The following CEP78 variants were observed in gnomAD, a reference collection of about 807,000 sequenced individuals.
The protein encoded by CEP78 is centrosomal protein of 78 kDa.
Under a neutral mutation model 81.2 loss-of-function variants are expected in CEP78, and 76 were observed. The observed-to-expected ratio is 0.94, with a 90% CI of 0.78 to 1.13. The LOEUF (loss-of-function observed/expected upper bound fraction) is 1.13. Ranked by LOEUF, CEP78 falls within the 50% of genes most tolerant of loss-of-function variation. The probability of loss-of-function intolerance (pLI) is 0.00; values close to 1 mark genes in which losing one functional copy is unlikely to be tolerated. For synonymous variants in CEP78, 293 were observed against 301.4 expected (o/e 0.97, Z 0.29); for missense variants, 918 against 846.8 (o/e 1.08, Z -1.04).
intron 12 of CEP78, 92 bp from the exon 13 acceptor site, chr9:78,264,058 C>A: frequency 1.1e-6 from 1 of 932,106 alleles, no homozygotes; most frequent in Non-Finnish European, 1.5e-6. Flanking sequence ...AAATTAATTA[C>A]ATTTTTAAAA....
intron 11 of CEP78, among the ~76,000 whole-genome samples, chr9:78,259,443 G>A (rs554450601): frequency 3.3e-5 from 5 of 152,170 alleles, no homozygotes; most frequent in Non-Finnish European, 5.9e-5. Context: ...TTCCCTGATA[G>A]TGTGTTTTAT....
At chr9:78,255,378 T>TA (rs1286817438) in intron 11 of CEP78, among the ~76,000 whole-genome samples, 2 of 152,292 alleles carry the variant, frequency 1.3e-5, no homozygotes, top group African/African-American at 4.8e-5. Flanking sequence ...TTTTCTTTTA[T>TA]ATGAAACTTA....
chr9:78,264,086 A>C, intron 12 of CEP78, 64 bp from the exon 13 acceptor site: 1 of 1,174,618 alleles, frequency 8.5e-7, no homozygotes, highest in East Asian at 2.9e-5. Flanking sequence ...TTTTAGTTTC[A>C]TAAAAACTAT....
chr9:78,242,126 C>T (rs899455257), intron 4 of CEP78, among the ~76,000 whole-genome samples: 18 of 152,108 alleles, frequency 1.2e-4, no homozygotes, highest in African/African-American at 3.4e-4. Flanking sequence ...AATAATGTGA[C>T]ATGAAGCCTT....
At chr9:78,239,692 G>A (rs11137568) in intron 1 of CEP78, among the ~76,000 whole-genome samples, 48,337 of 151,924 alleles carry the variant, frequency 0.32, 8,431 homozygotes, top group Middle Eastern at 0.42. Context: ...GTTTTCCAGT[G>A]CCCGGCAGGT....
Position 78,248,800 on chromosome 9 carries a change from CA to C in CEP78, c.1000del (p.Thr334LeufsTer9). On this transcript the variant is annotated frameshift_variant, in exon 8 of 17. Transcript: ENST00000643273. LOFTEE classifies it high-confidence loss of function. ...ITSPSVKEPS[K>X]TAKQKRRTII... ...CTTCTCCATCAGTGAAGGAACCATC[CA>C]AAACTGCTAAACAGAAAAGGAGAAC... The C allele has an allele frequency of 6.3e-7, 1 of 1,597,522 alleles. No homozygotes were observed. The highest frequency in any genetic ancestry group is 8.5e-7 in the Non-Finnish European group (1 of 1,172,270).
chr9:78,237,628 C>CG (rs1724189146), intron 1 of CEP78, among the ~76,000 whole-genome samples: 1 of 152,092 alleles, frequency 6.6e-6, no homozygotes, highest in Admixed American at 6.5e-5. Context: ...GGGGGCCAAA[C>CG]AGGGAGGGTC....
chr9:78,264,406 A>C, intron 13 of CEP78, 90 bp downstream of exon 13: 2 of 1,013,822 alleles, frequency 2.0e-6, no homozygotes, highest in Non-Finnish European at 3.0e-6. Context: ...AGCTTTCTGA[A>C]GTCATATTTA....
intron 1 of CEP78, 141 bp downstream of exon 1, chr9:78,236,744 G>A (rs1825962844): frequency 2.7e-6 from 3 of 1,106,874 alleles, no homozygotes; most frequent in Admixed American, 3.4e-5. Context: ...GTGGCTTAAG[G>A]TCTCTAGGGC....
chr9:78,275,272 A>G lies in CEP78; in HGVS notation c.*4421A>G, dbSNP rs1449529699. ...AAAATAGAAAATGTAAATAAACGAA[A>G]CATCTTAGGAGAAATTGAAAAAATA... On this transcript the variant is annotated 3_prime_UTR_variant, in exon 17 of 17. Coordinates refer to ENST00000643273, the MANE Select transcript of CEP78 (RefSeq NM_001330691.3). 2 of 152,180 alleles carry G rather than the reference A, an allele frequency of 1.3e-5. No individual in the cohort carries two copies. Among genetic ancestry groups the G allele is most frequent in the Non-Finnish European group, 2.9e-5 (2 of 68,022 alleles). 9.4% of individuals were successfully genotyped at this position (152,180 alleles called of 1,614,324 possible).
At position 78,236,129 on chromosome 9, in the gene CEP78, C is replaced by T; in HGVS notation, c.-222C>T. ...TGAGGCGGGCGCCAACTGCTTGGGC[C>T]GCAGGGCGGGAGGCAGCGCGGGAGT... is the stretch of plus-strand genomic sequence containing the variant. On this transcript the variant is annotated 5_prime_UTR_variant, in exon 1 of 17. Transcript: ENST00000643273. The T allele has an allele frequency of 3.7e-6, 2 of 543,682 alleles. No homozygotes were observed. Among genetic ancestry groups the T allele is most frequent in the Non-Finnish European group, 6.4e-6 (2 of 311,202 alleles). The allele number at this position is 543,682 out of a possible 1,614,324, so 33.7% of individuals were successfully genotyped here.
intron 16 of CEP78, 45 bp downstream of exon 16, chr9:78,266,748 G>C: frequency 1.2e-6 from 2 of 1,605,956 alleles, no homozygotes; most frequent in Non-Finnish European, 1.7e-6. Flanking sequence ...CCCTGGAAAG[G>C]ACCTGCATTC....
Position 78,278,180 on chromosome 9 carries a change from G to A in CEP78, c.*7329G>A, listed in dbSNP as rs1827842484. On this transcript the variant is annotated 3_prime_UTR_variant, in exon 17 of 17. Coordinates refer to ENST00000643273, the MANE Select transcript of CEP78 (RefSeq NM_001330691.3). ...AAAAAAAAAGTTTTTATGTACAACA[G>A]ACAATTTTTAAAATTCCTTTTCATC... is the stretch of plus-strand genomic sequence containing the variant. The A allele has an allele frequency of 6.6e-6, 1 of 152,126 alleles. No homozygotes were observed. The highest frequency in any genetic ancestry group is 2.4e-5 in the African/African-American group (1 of 41,422). The allele number at this position is 152,126 out of a possible 1,614,324, so 9.4% of individuals were successfully genotyped here. A position where few individuals can be genotyped will look rare whatever the true frequency, so the allele number is the denominator to read the frequency against.
chr9:78,253,315 GA>G, intron 10 of CEP78, 38 bp downstream of exon 10: 1 of 901,620 alleles, frequency 1.1e-6, no homozygotes, highest in Non-Finnish European at 1.8e-6. Flanking sequence ...TAGGGGATTG[GA>G]ATGGGAAGGG....
Position 78,272,444 on chromosome 9 carries a change from CAGAA to C in CEP78, c.*1595_*1598del, listed in dbSNP as rs2118535654. On this transcript the variant is annotated 3_prime_UTR_variant, in exon 17 of 17. Coordinates refer to ENST00000643273, the MANE Select transcript of CEP78 (RefSeq NM_001330691.3). ...TATAATCACCAGAGGTGCCTGTAGT[CAGAA>C]AAAGTCTAAATAAATACTAATGACA... 6.6e-6 allele frequency: 1 copy of C among 152,234 alleles called. No homozygotes were observed. The highest frequency in any genetic ancestry group is 1.5e-5 in the Non-Finnish European group (1 of 68,012). The allele number at this position is 152,234 out of a possible 1,614,324, so 9.4% of individuals were successfully genotyped here. A position where few individuals can be genotyped will look rare whatever the true frequency, so the allele number is the denominator to read the frequency against.
At chr9:78,267,850 A>G (rs1002609348) in intron 16 of CEP78, among the ~76,000 whole-genome samples, 1 of 152,256 alleles carries the variant, frequency 6.6e-6, no homozygotes, top group African/African-American at 2.4e-5. Flanking sequence ...CCTTTCCTAC[A>G]ACCAGACTAT....
rs145491962 is a variant in CEP78, at chr9:78,253,534, A to G, written c.1251+257A>G. ...CCACAAATCAGCTGTTGCCTCCAGC[A>G]AAACAAATTTGACCACCATTTCTCA... On this transcript the variant is annotated intron_variant, in intron 10 of 16. Coordinates refer to ENST00000643273, the MANE Select transcript of CEP78 (RefSeq NM_001330691.3). The G allele has an allele frequency of 3.0e-3, 1,165 of 385,298 alleles. 6 individuals are homozygous for G. Among genetic ancestry groups the G allele is most frequent in the Middle Eastern group, 5.7e-3 (8 of 1,392 alleles). The allele number at this position is 385,298 out of a possible 1,614,324, so 23.9% of individuals were successfully genotyped here.
intron 10 of CEP78, 85 bp downstream of exon 10, chr9:78,253,362 G>A (rs1248074495): frequency 1.3e-6 from 1 of 741,812 alleles, no homozygotes; most frequent in African/African-American, 1.8e-5. Context: ...AAATTGAATA[G>A]AGTCGTAAGA....
At position 78,279,533 on chromosome 9, in the gene CEP78, T is replaced by C. The variant is rs1040101360; in HGVS notation, c.*8682T>C. 5.9e-5 allele frequency: 9 copies of C among 152,332 alleles called. No homozygotes were observed. The highest frequency in any genetic ancestry group is 1.2e-4 in the Non-Finnish European group (8 of 68,030). The allele number at this position is 152,332 out of a possible 1,614,324, so 9.4% of individuals were successfully genotyped here. On this transcript the variant is annotated 3_prime_UTR_variant, in exon 17 of 17. Transcript: ENST00000643273. ...GCCTGAGAGGTATTGATTCACTTGGTTGAGGGCTTCAAGTAGCACAAGGCA... is the reference window on the plus strand; with the variant it reads ...GCCTGAGAGGTATTGATTCACTTGGCTGAGGGCTTCAAGTAGCACAAGGCA...
Sources: gnomAD v4.1 joint callset for allele counts (sites outside exome capture counted in the v4.1 genomes callset) on GRCh38, gnomAD v4.1.1 for gene constraint, MANE v1.5 for transcripts, NCBI Gene and HGNC (gene_info 2026-07-23, HGNC 2026-07-21) for gene names.